Variants in DHRSX observed in about 807,000 individuals in gnomAD.
The protein encoded by DHRSX is dehydrogenase/reductase X-linked.
DHRSX carries 31 observed loss-of-function variants against 34.0 expected under a neutral mutation model. The ratio of observed to expected loss-of-function variants is 0.91; its 90% CI spans 0.69 to 1.23. The LOEUF (loss-of-function observed/expected upper bound fraction) is 1.23, where lower values mean the gene tolerates loss of function less well. Among genes scored for constraint, DHRSX ranks in the 50% most tolerant of loss-of-function variants. DHRSX has a pLI of 0.00. For synonymous variants in DHRSX, 201 were observed against 183.8 expected (o/e 1.09, Z -0.76); for missense variants, 414 against 428.1 (o/e 0.97, Z 0.29).
At chrX:2,239,143 T>A (rs1050512351) in intron 6 of DHRSX, among the ~76,000 whole-genome samples, 2 of 152,160 alleles carry the variant, frequency 1.3e-5, no homozygotes, top group Non-Finnish European at 2.9e-5. Context: ...TGCCCCGTGG[T>A]TATTTTTAAT....
At chrX:2,393,186 A>G (rs1026836691) in intron 3 of DHRSX, among the ~76,000 whole-genome samples, 26 of 149,756 alleles carry the variant, frequency 1.7e-4, no homozygotes, top group African/African-American at 6.1e-4. Context: ...TAAAATATTA[A>G]TATAGATCAA....
At chrX:2,490,245 G>A (rs372715050) in intron 1 of DHRSX, 26 of 1,613,808 alleles carry the variant, frequency 1.6e-5, no homozygotes, top group Non-Finnish European at 2.1e-5. Flanking sequence ...AGCTCATACC[G>A]GGGGTCGGCC....
chrX:2,369,347 G>A (rs1019362005), intron 3 of DHRSX, among the ~76,000 whole-genome samples: 2 of 152,146 alleles, frequency 1.3e-5, no homozygotes, highest in Non-Finnish European at 2.9e-5. Flanking sequence ...AAGAAAATGA[G>A]CAAATGAACT....
At chrX:2,410,580 T>C (rs1397407010) in intron 2 of DHRSX, among the ~76,000 whole-genome samples, 1 of 152,222 alleles carries the variant, frequency 6.6e-6, no homozygotes, top group Non-Finnish European at 1.5e-5. Context: ...TTACACACTC[T>C]AACACAAGGA....
rs375729916 is a variant in DHRSX at position 2,298,638 on chromosome X, G to A, written c.287-7035C>T. 4.4e-4 allele frequency among the ~76,000 whole-genome samples: 45 copies of A among 103,388 alleles called. 4 individuals are homozygous for A. Among genetic ancestry groups the A allele is most frequent in the African/African-American group, 3.1e-3 (41 of 13,362 alleles). 67.8% of individuals were successfully genotyped at this position (103,388 alleles called of 152,430 possible). A position where few individuals can be genotyped will look rare whatever the true frequency, so the allele number is the denominator to read the frequency against. On this transcript the variant is annotated intron_variant, in intron 3 of 6. Coordinates refer to ENST00000334651, the MANE Select transcript of DHRSX (RefSeq NM_145177.3). ...CACACACACACACACACACACACAC[G>A]AGGTCTTATTTTCACTGCTCTACAC...
chrX:2,257,564 C>T (rs1368596379), intron 5 of DHRSX, among the ~76,000 whole-genome samples: 1 of 152,132 alleles, frequency 6.6e-6, no homozygotes, highest in East Asian at 1.9e-4. Context: ...TCCCCAGATT[C>T]CTATGAAGTT....
chrX:2,391,151 C>G (rs1265093579), intron 3 of DHRSX, among the ~76,000 whole-genome samples: 2 of 152,196 alleles, frequency 1.3e-5, no homozygotes, highest in Non-Finnish European at 2.9e-5. Context: ...GACCCTGTTT[C>G]CAATTCTTTG....
intron 2 of DHRSX, among the ~76,000 whole-genome samples, chrX:2,420,973 C>T (rs2043772557): frequency 6.6e-6 from 1 of 152,138 alleles, no homozygotes; most frequent in Non-Finnish European, 1.5e-5. Context: ...TCTAATACAA[C>T]TAAGCTTCAT....
intron 1 of DHRSX, among the ~76,000 whole-genome samples, chrX:2,448,501 T>C (rs1254638817): frequency 1.3e-5 from 2 of 149,040 alleles, no homozygotes; most frequent in African/African-American, 5.0e-5. Flanking sequence ...TGAGGTGATA[T>C]AGGTTAGAGT....
chrX:2,481,481 T>G, intron 1 of DHRSX, among the ~76,000 whole-genome samples: 1 of 151,942 alleles, frequency 6.6e-6, no homozygotes, highest in East Asian at 1.9e-4. Flanking sequence ...GCTTTACCAA[T>G]GTACTGAAAC....
intron 6 of DHRSX, among the ~76,000 whole-genome samples, chrX:2,240,376 A>G (rs1181963605): frequency 6.6e-6 from 1 of 152,114 alleles, no homozygotes; most frequent in East Asian, 1.9e-4. Flanking sequence ...ATAAGAAAGC[A>G]AACTGCAAAA....
intron 3 of DHRSX, among the ~76,000 whole-genome samples, chrX:2,379,791 T>C (rs1021621025): frequency 4.6e-5 from 7 of 151,922 alleles, no homozygotes; most frequent in Admixed American, 3.9e-4. Flanking sequence ...ATCACAGGCT[T>C]TCTTTAATCC....
At chrX:2,411,261 C>T (rs750920797) in intron 2 of DHRSX, among the ~76,000 whole-genome samples, 6 of 151,890 alleles carry the variant, frequency 4.0e-5, no homozygotes, top group African/African-American at 4.8e-5. Context: ...TCAAAGGGTG[C>T]GGCCGGGTGC....
chrX:2,359,979 AC>A (rs1261458258), intron 3 of DHRSX, among the ~76,000 whole-genome samples: 2 of 152,126 alleles, frequency 1.3e-5, no homozygotes, highest in South Asian at 4.1e-4. Flanking sequence ...TGGGCTTAAT[AC>A]CTGGGTGATG....
At chrX:2,262,455 C>T (rs1458084683) in intron 5 of DHRSX, among the ~76,000 whole-genome samples, 1 of 151,964 alleles carries the variant, frequency 6.6e-6, no homozygotes, top group Non-Finnish European at 1.5e-5. Context: ...TCATGTGTGC[C>T]CACGGGCACA....
intron 6 of DHRSX, among the ~76,000 whole-genome samples, chrX:2,232,036 C>CCTCCCTTACTT (rs1437600760): frequency 1.1e-4 from 16 of 149,232 alleles, no homozygotes; most frequent in African/African-American, 2.5e-4. Context: ...TCCTTCTCCT[C>CCTCCCTTACTT]CTTTTTCTCT....
rs150354071 is a variant in DHRSX at position 2,267,662 on chromosome X, G to C, written c.389-715C>G. On this transcript the variant is annotated intron_variant, in intron 4 of 6. Coordinates refer to ENST00000334651, the MANE Select transcript of DHRSX (RefSeq NM_145177.3). ...GTCCCCTGGACAATTAATTATTCTG[G>C]GCGGCTAGGTGTGATGGCTCATACA... 6.6e-3 allele frequency among the ~76,000 whole-genome samples: 1,006 copies of C among 152,206 alleles called. 19 individuals are homozygous for C. The highest frequency in any genetic ancestry group is 0.023 in the African/African-American group (955 of 41,534).
intron 4 of DHRSX, among the ~76,000 whole-genome samples, chrX:2,286,029 T>C (rs2041800900): frequency 6.6e-6 from 1 of 152,064 alleles, no homozygotes; most frequent in South Asian, 2.1e-4. Flanking sequence ...CTTCTCTAAA[T>C]CAACGTACAT....
chrX:2,419,059 T>C (rs901647560), intron 2 of DHRSX, among the ~76,000 whole-genome samples: 1 of 152,152 alleles, frequency 6.6e-6, no homozygotes, highest in Non-Finnish European at 1.5e-5. Context: ...GGTCTCCTCA[T>C]CTAAACCCAA....
Sources: gnomAD v4.1 joint callset for allele counts (sites outside exome capture counted in the v4.1 genomes callset) on GRCh38, gnomAD v4.1.1 for gene constraint, MANE v1.5 for transcripts, NCBI Gene and HGNC (gene_info 2026-07-23, HGNC 2026-07-21) for gene names.